GDA: variants seen among roughly 807,000 people sequenced by gnomAD.
GDA encodes cytoplasmic PSD-95 interactor.
GDA carries 18 observed loss-of-function variants against 59.6 expected under a neutral mutation model. That is an observed-to-expected ratio of 0.30 (90% CI 0.21 to 0.45). The LOEUF is 0.45. Ranked by LOEUF, GDA falls within the 20% of genes least tolerant of loss-of-function variation. The pLI, the probability that GDA is intolerant of heterozygous loss-of-function variation, is 1.00. For synonymous variants in GDA, 201 were observed against 201.1 expected (o/e 1.00, Z 0.00); for missense variants, 427 against 552.3 (o/e 0.77, Z 2.27).
chr9:72,130,168 C>G (rs1377903747), intron 1 of GDA, among the ~76,000 whole-genome samples: 1 of 152,182 alleles, frequency 6.6e-6, no homozygotes, highest in Non-Finnish European at 1.5e-5. Flanking sequence ...AGGTCATCAC[C>G]TTTCTGAAAT....
rs575949924 is a variant in GDA at position 72,250,569 on chromosome 9, T to G, written c.*2227T>G. On this transcript the variant is annotated 3_prime_UTR_variant, in exon 14 of 14. Transcript: ENST00000358399. ...TTTATTTCTCCAAGTGCGGTGTTCC[T>G]GAATGTTATGTATGCTTTTTTTTCT... is the stretch of plus-strand genomic sequence containing the variant. The G allele has an allele frequency of 5.8e-5, 85 of 1,468,780 alleles. No homozygotes were observed. The African/African-American group carries it at 1.0e-3, about 18-fold the overall frequency. 91.0% of individuals were successfully genotyped at this position (1,468,780 alleles called of 1,614,324 possible). A position where few individuals can be genotyped will look rare whatever the true frequency, so the allele number is the denominator to read the frequency against.
chr9:72,162,426 A>G (rs1828744750), intron 1 of GDA, among the ~76,000 whole-genome samples: 1 of 152,108 alleles, frequency 6.6e-6, no homozygotes, highest in Non-Finnish European at 1.5e-5. Context: ...CAAAGAAGTC[A>G]TGTTGGAGCT....
At chr9:72,245,649 A>T (rs1840059114) in intron 12 of GDA, among the ~76,000 whole-genome samples, 1 of 152,146 alleles carries the variant, frequency 6.6e-6, no homozygotes, top group South Asian at 2.1e-4. Flanking sequence ...TAATATTGCC[A>T]TGTTAATTTA....
At chr9:72,246,687 C>T (rs1356525100) in intron 12 of GDA, among the ~76,000 whole-genome samples, 1 of 151,964 alleles carries the variant, frequency 6.6e-6, no homozygotes, top group African/African-American at 2.4e-5. Context: ...AGGGAGGGCA[C>T]CCCTTACGTG....
chr9:72,185,175 C>G (rs1455939356), intron 1 of GDA, among the ~76,000 whole-genome samples: 1 of 152,192 alleles, frequency 6.6e-6, no homozygotes, highest in South Asian at 2.1e-4. Flanking sequence ...ATATGGCCCG[C>G]AAAGCCTAAA....
chr9:72,133,287 TAAAAAAAA>T (rs1257876460), intron 1 of GDA, among the ~76,000 whole-genome samples: 2 of 95,552 alleles, frequency 2.1e-5, no homozygotes, highest in Admixed American at 1.2e-4. Context: ...AGACTCTGTC[TAAAAAAAA>T]AAAAAAAAAA....
chr9:72,133,939 G>A (rs1235528999), intron 1 of GDA, among the ~76,000 whole-genome samples: 1 of 152,180 alleles, frequency 6.6e-6, no homozygotes, highest in Non-Finnish European at 1.5e-5. Context: ...CCAAGGTTTA[G>A]CAATCTGATC....
chr9:72,180,472 A>G (rs1188380396), intron 1 of GDA, among the ~76,000 whole-genome samples: 1 of 152,206 alleles, frequency 6.6e-6, no homozygotes, highest in Non-Finnish European at 1.5e-5. Flanking sequence ...ATTGAGATCA[A>G]CTTTATGGTC....
rs144421214 is a variant in GDA at position 72,241,385 on chromosome 9, A to G, written c.1135+87A>G. On this transcript the variant is annotated intron_variant, in intron 11 of 13. Transcript: ENST00000358399. ...TGTAGTATGAAGATGCATGATTGGT[A>G]TTAGGAAAATCCAATATTTGTGATG... 1.3e-4 allele frequency: 126 copies of G among 987,922 alleles called. No homozygotes were observed. The African/African-American group carries it at 1.6e-3, about 13-fold the overall frequency. 61.2% of individuals were successfully genotyped at this position (987,922 alleles called of 1,614,324 possible).
At chr9:72,208,404 C>T (rs1171857951) in intron 3 of GDA, among the ~76,000 whole-genome samples, 1 of 152,156 alleles carries the variant, frequency 6.6e-6, no homozygotes, top group Non-Finnish European at 1.5e-5. Flanking sequence ...AAGATATGCC[C>T]CAAAGTATTC....
chr9:72,223,152 T>A lies in GDA; in HGVS notation c.639T>A (p.Arg213=). 1.2e-6 allele frequency: 2 copies of A among 1,610,174 alleles called. No individual in the cohort carries two copies. Among genetic ancestry groups the A allele is most frequent in the Non-Finnish European group, 1.7e-6 (2 of 1,176,560 alleles). Residue 213 remains arginine (R), a synonymous_variant, in exon 7 of 14, where the codon CGT becomes CGA. Transcript: ENST00000358399. ...GAGTGAAGCCCATAGTGACACCACGTTTTTCCCTCTCCTGCTCTGAGACTT... is the reference window on the plus strand; with the variant it reads ...GAGTGAAGCCCATAGTGACACCACGATTTTCCCTCTCCTGCTCTGAGACTT... The part of the protein sequence containing the change: ...YSRVKPIVTP[R]FSLSCSETLM...
At chr9:72,176,226 C>T (rs1009407586) in intron 1 of GDA, among the ~76,000 whole-genome samples, 3 of 152,186 alleles carry the variant, frequency 2.0e-5, no homozygotes, top group Non-Finnish European at 2.9e-5. Context: ...TTTCTTGCCA[C>T]AAGAGCTTCT....
chr9:72,157,373 A>T (rs577271703), intron 1 of GDA, among the ~76,000 whole-genome samples: 1 of 152,214 alleles, frequency 6.6e-6, no homozygotes, highest in Non-Finnish European at 1.5e-5. Flanking sequence ...AAATGTCTTT[A>T]TTGTCTAAAT....
intron 10 of GDA, among the ~76,000 whole-genome samples, chr9:72,236,316 C>T (rs754072854): frequency 9.2e-5 from 14 of 152,162 alleles, no homozygotes; most frequent in Non-Finnish European, 1.5e-4. Flanking sequence ...AATGGCCCAC[C>T]GCTTGGGGAT....
chr9:72,177,439 AT>A (rs1011067425), intron 1 of GDA, among the ~76,000 whole-genome samples: 2 of 152,180 alleles, frequency 1.3e-5, no homozygotes, highest in African/African-American at 4.8e-5. Context: ...AAAATTAAAA[AT>A]TTTATTTCAA....
chr9:72,209,275 T>A (rs900915525), intron 3 of GDA, among the ~76,000 whole-genome samples: 2 of 152,110 alleles, frequency 1.3e-5, no homozygotes, highest in Admixed American at 6.5e-5. Context: ...TTTAAAAAAA[T>A]TTAGATTTCT....
chr9:72,138,860 G>A (rs757021161), intron 1 of GDA, among the ~76,000 whole-genome samples: 89 of 152,314 alleles, frequency 5.8e-4, no homozygotes, highest in Non-Finnish European at 1.6e-4. Flanking sequence ...GGGGAAAGGC[G>A]AGAACTGGTA....
chr9:72,256,192 GAA>G (rs891177646), downstream of GDA, among the ~76,000 whole-genome samples: 6 of 152,086 alleles, frequency 3.9e-5, no homozygotes, highest in African/African-American at 1.4e-4. Flanking sequence ...TTGGTTTTTT[GAA>G]AGATAGAAAT....
chr9:72,116,680 C>T (rs997901875), intron 1 of GDA, among the ~76,000 whole-genome samples: 15 of 152,068 alleles, frequency 9.9e-5, no homozygotes, highest in South Asian at 2.1e-4. Flanking sequence ...CCACCGCGCC[C>T]GGCCTCCCCA....
Sources: allele counts gnomAD v4.1 joint callset (sites outside exome capture counted in the v4.1 genomes callset), GRCh38; gene constraint gnomAD v4.1.1; transcripts MANE v1.5; gene names NCBI Gene and HGNC (gene_info 2026-07-23, HGNC 2026-07-21).